The following KIAA1549 variants were observed in gnomAD, a reference collection of about 807,000 sequenced individuals.
KIAA1549 encodes the protein UPF0606 protein KIAA1549.
Under a neutral mutation model 156.4 loss-of-function variants are expected in KIAA1549, and 70 were observed. That is an observed-to-expected ratio of 0.45 (90% CI 0.37 to 0.55). The LOEUF (loss-of-function observed/expected upper bound fraction) is 0.55, where lower values mean the gene tolerates loss of function less well. Among genes scored for constraint, KIAA1549 ranks in the 20% least tolerant of loss-of-function variants. KIAA1549 has a pLI of 0.00. For missense variants in KIAA1549, 2,428 were observed against 2,540.9 expected (o/e 0.96, Z 0.96); for synonymous variants, 1,103 against 1,066.4 (o/e 1.03, Z -0.67).
rs1469890695 is a variant in KIAA1549, at chr7:138,921,515, T to A, written c.188-2077A>T. On this transcript the variant is annotated intron_variant, in intron 1 of 19. Coordinates refer to ENST00000422774, the MANE Select transcript of KIAA1549 (RefSeq NM_001164665.2). ...TCAGTGTAGATGTAATTAGCTGAGA[T>A]GCGGTCATACTGAAGTAGGGTGGGT... 3.3e-5 allele frequency among the ~76,000 whole-genome samples: 5 copies of A among 152,152 alleles called. No individual in the cohort carries two copies. The East Asian group carries it at 9.6e-4, about 29-fold the overall frequency.
intron 1 of KIAA1549, among the ~76,000 whole-genome samples, chr7:138,954,637 A>G (rs909415480): frequency 6.6e-6 from 1 of 152,028 alleles, no homozygotes; most frequent in South Asian, 2.1e-4. Context: ...CAATGCCATA[A>G]GCAGTTTTCC....
intron 1 of KIAA1549, among the ~76,000 whole-genome samples, chr7:138,942,940 C>T (rs1813227481): frequency 6.6e-6 from 1 of 151,796 alleles, no homozygotes; most frequent in African/African-American, 2.4e-5. Context: ...GGAGGTTGGA[C>T]CAGAAGCAAG....
intron 1 of KIAA1549, among the ~76,000 whole-genome samples, chr7:138,935,112 A>G (rs1812972233): frequency 6.6e-6 from 1 of 152,112 alleles, no homozygotes; most frequent in Non-Finnish European, 1.5e-5. Flanking sequence ...TCACCCAAAC[A>G]TAAAGAGAAC....
At chr7:138,924,390 C>T in intron 1 of KIAA1549, among the ~76,000 whole-genome samples, 1 of 151,924 alleles carries the variant, frequency 6.6e-6, no homozygotes, top group African/African-American at 2.4e-5. Flanking sequence ...GAACAAGGAG[C>T]AAATTCCCTT....
Position 138,923,446 on chromosome 7 carries a change from A to G in KIAA1549, c.188-4008T>C, listed in dbSNP as rs143169650. 7.8e-3 allele frequency among the ~76,000 whole-genome samples: 1,184 copies of G among 152,164 alleles called. 20 individuals carry two copies. The highest frequency in any genetic ancestry group is 0.027 in the African/African-American group (1,116 of 41,514). On this transcript the variant is annotated intron_variant, in intron 1 of 19. Coordinates refer to ENST00000422774, the MANE Select transcript of KIAA1549 (RefSeq NM_001164665.2). Reference sequence around the variant, plus strand: ...TGAAACCCTGTCTCTACTAAAAATAAAAAATTTGCTGGGTGTGGTGGCATG... The same window carrying G: ...TGAAACCCTGTCTCTACTAAAAATAGAAAATTTGCTGGGTGTGGTGGCATG...
intron 1 of KIAA1549, among the ~76,000 whole-genome samples, chr7:138,979,035 A>C (rs899447427): frequency 6.6e-6 from 1 of 152,200 alleles, no homozygotes; most frequent in Non-Finnish European, 1.5e-5. Context: ...AAGGGTTTGT[A>C]CTTCCTTCAC....
At chr7:138,925,024 T>A (rs1812673445) in intron 1 of KIAA1549, among the ~76,000 whole-genome samples, 1 of 152,082 alleles carries the variant, frequency 6.6e-6, no homozygotes, top group Admixed American at 6.5e-5. Context: ...GCTGAGGCCT[T>A]TTCTCCATTT....
chr7:138,839,363 T>G (rs1809840234), intron 19 of KIAA1549, among the ~76,000 whole-genome samples: 1 of 152,184 alleles, frequency 6.6e-6, no homozygotes, highest in African/African-American at 2.4e-5. Context: ...ATGAAAGCAC[T>G]TGTAGGAATT....
At chr7:138,881,081 C>G (rs1372838972) in intron 11 of KIAA1549, among the ~76,000 whole-genome samples, 1 of 152,230 alleles carries the variant, frequency 6.6e-6, no homozygotes, top group African/African-American at 2.4e-5. Flanking sequence ...ATGCTCCCCT[C>G]AGGATATATA....
intron 1 of KIAA1549, among the ~76,000 whole-genome samples, chr7:138,964,783 T>A (rs895570192): frequency 2.0e-5 from 3 of 152,140 alleles, no homozygotes; most frequent in African/African-American, 7.2e-5. Flanking sequence ...CTAGAGAGAA[T>A]GTGGATTGCT....
At chr7:138,940,156 C>T (rs978206382) in intron 1 of KIAA1549, among the ~76,000 whole-genome samples, 1 of 151,982 alleles carries the variant, frequency 6.6e-6, no homozygotes, top group Non-Finnish European at 1.5e-5. Flanking sequence ...CAATGCTATC[C>T]CTCCCCGCTC....
chr7:138,946,971 C>T (rs1813355914), intron 1 of KIAA1549, among the ~76,000 whole-genome samples: 1 of 152,128 alleles, frequency 6.6e-6, no homozygotes. Flanking sequence ...GGTAAACAAC[C>T]CCTGGTCTCC....
At chr7:138,851,034 C>T (rs1206798338) in intron 17 of KIAA1549, among the ~76,000 whole-genome samples, 1 of 152,096 alleles carries the variant, frequency 6.6e-6, no homozygotes, top group East Asian at 1.9e-4. Context: ...ATTGATTAAT[C>T]ATGTTGTTCC....
chr7:138,833,027 T>C lies in KIAA1549; in HGVS notation c.*4879A>G. On this transcript the variant is annotated 3_prime_UTR_variant, in exon 20 of 20. Coordinates refer to ENST00000422774, the MANE Select transcript of KIAA1549 (RefSeq NM_001164665.2). ...TTCAGTTGACTATGCCATAGAAATG[T>C]GTTTTGTGTTCACATGCTCTGTCTG... 4.3e-6 allele frequency: 1 copy of C among 232,158 alleles called. No homozygotes were observed. Among genetic ancestry groups the C allele is most frequent in the South Asian group, 1.8e-4 (1 of 5,516 alleles). 14.4% of individuals were successfully genotyped at this position (232,158 alleles called of 1,614,324 possible).
intron 8 of KIAA1549, 105 bp from the exon 9 acceptor site, chr7:138,899,237 C>T: frequency 9.6e-7 from 1 of 1,038,916 alleles, no homozygotes; most frequent in Non-Finnish European, 1.5e-6. Flanking sequence ...TATTCCAATC[C>T]TCATAATAAG....
intron 1 of KIAA1549, among the ~76,000 whole-genome samples, chr7:138,950,796 G>A (rs929145526): frequency 6.6e-6 from 1 of 152,048 alleles, no homozygotes; most frequent in African/African-American, 2.4e-5. Context: ...CTCCCCGGGG[G>A]CTGAAACCTT....
intron 15 of KIAA1549, among the ~76,000 whole-genome samples, chr7:138,867,102 T>A (rs1264484014): frequency 6.6e-6 from 1 of 152,214 alleles, no homozygotes; most frequent in Admixed American, 6.5e-5. Context: ...CACTCATTAT[T>A]TCTTAATTTC....
chr7:138,961,846 GA>G (rs35074532), intron 1 of KIAA1549, among the ~76,000 whole-genome samples: 43,544 of 94,026 alleles, frequency 0.46, 7,957 homozygotes, highest in African/African-American at 0.63. Context: ...TGTCTCTTAA[GA>G]AAAAAAAAAA....
At chr7:138,931,921 T>C (rs1812884536) in intron 1 of KIAA1549, among the ~76,000 whole-genome samples, 1 of 152,156 alleles carries the variant, frequency 6.6e-6, no homozygotes, top group South Asian at 2.1e-4. Flanking sequence ...CTTCTAATAG[T>C]TTTAAGGTTT....
Sources: allele counts gnomAD v4.1 joint callset (sites outside exome capture counted in the v4.1 genomes callset), GRCh38; gene constraint gnomAD v4.1.1; transcripts MANE v1.5; gene names NCBI Gene and HGNC (gene_info 2026-07-23, HGNC 2026-07-21).